C1orf74: variants seen among roughly 807,000 people sequenced by gnomAD.
C1orf74 encodes the protein chromosome 1 open reading frame 74, also known as UPF0739 protein C1orf74.
A neutral mutation model predicts 7.3 loss-of-function variants in C1orf74; 5 were observed. The observed-to-expected ratio is 0.68, with a 90% confidence interval of 0.36 to 1.44. The LOEUF is 1.44. C1orf74 is among the 40% of genes most tolerant of loss of function. The pLI is 0.04. For missense variants in C1orf74, 291 were observed against 314.3 expected (o/e 0.93, Z 0.56); for synonymous variants, 121 against 132.5 (o/e 0.91, Z 0.59).
rs2077759863 is a variant in C1orf74 at position 209,780,742 on chromosome 1, G to A, written c.*2083C>T. On this transcript the variant is annotated 3_prime_UTR_variant, in exon 2 of 2. Transcript: ENST00000294811. ...AGACATTCATTTGCCTACATAAAGT[G>A]TCTGTGCTTTTGGGCTGACTTGTCA... is the stretch of plus-strand genomic sequence containing the variant. 1 of 811,972 alleles carries A rather than the reference G, an allele frequency of 1.2e-6. No individual in the cohort carries two copies. Among genetic ancestry groups the A allele is most frequent in the African/African-American group, 1.8e-5 (1 of 56,134 alleles). 50.3% of individuals were successfully genotyped at this position (811,972 alleles called of 1,614,324 possible).
At position 209,782,008 on chromosome 1, in the gene C1orf74, T is replaced by C. The variant is rs994833789; in HGVS notation, c.*817A>G. On this transcript the variant is annotated 3_prime_UTR_variant, in exon 2 of 2. Coordinates refer to ENST00000294811, the MANE Select transcript of C1orf74 (RefSeq NM_152485.4). ...AAGAAAGATTTTTGCCTATATCTTT[T>C]CCAATCCACTCATGGCCACTTTCTT... The C allele has an allele frequency of 4.7e-6, 7 of 1,488,100 alleles. No homozygotes were observed. In the African/African-American group the frequency reaches 9.7e-5, roughly 21 times the overall value. 92.2% of individuals were successfully genotyped at this position (1,488,100 alleles called of 1,614,324 possible).
In C1orf74 at chr1:209,780,612, A is replaced by C; in HGVS notation, c.*2213T>G. The C allele has an allele frequency of 6.3e-7, 1 of 1,579,720 alleles. No homozygotes were observed. On this transcript the variant is annotated 3_prime_UTR_variant, in exon 2 of 2. Transcript: ENST00000294811. ...TCCAGGCCAAGGAAAAGGAGGTGAG[A>C]GGGTGACCTGAGATAGTGAGGGCTC...
In C1orf74 at chr1:209,781,481, T is replaced by C. The variant is rs76759084; in HGVS notation, c.*1344A>G. ...AGAGTAAGAGGGTCTCTCCTTCCCA[T>C]AAAGCCCTGGATGATGGGACGATTC... On this transcript the variant is annotated 3_prime_UTR_variant, in exon 2 of 2. Transcript: ENST00000294811. 7 of 1,558,946 alleles carry C rather than the reference T, an allele frequency of 4.5e-6. No individual in the cohort carries two copies. Among genetic ancestry groups the C allele is most frequent in the Non-Finnish European group, 6.2e-6 (7 of 1,130,544 alleles).
At position 209,782,647 on chromosome 1, in the gene C1orf74, C is replaced by T; in HGVS notation, c.*178G>A. On this transcript the variant is annotated 3_prime_UTR_variant, in exon 2 of 2. Transcript: ENST00000294811. ...CAAGTATGTACTATCTACCAATTTG[C>T]TACTAGCACCACCATTACCTATTTA... is the stretch of plus-strand genomic sequence containing the variant. 1 of 658,958 alleles carries T rather than the reference C, an allele frequency of 1.5e-6. No homozygotes were observed. The highest frequency in any genetic ancestry group is 2.6e-6 in the Non-Finnish European group (1 of 382,670). 40.8% of individuals were successfully genotyped at this position (658,958 alleles called of 1,614,324 possible).
rs555541836 is a variant in C1orf74 at position 209,783,792 on chromosome 1, C to T, written c.-75-83G>A. 2.8e-5 allele frequency: 18 copies of T among 634,386 alleles called. No homozygotes were observed. The African/African-American group carries it at 3.0e-4, about 10-fold the overall frequency. The allele number at this position is 634,386 out of a possible 1,614,324, so 39.3% of individuals were successfully genotyped here. A position where few individuals can be genotyped will look rare whatever the true frequency, so the allele number is the denominator to read the frequency against. ...CTTCCAAAGGTTATTCTGTCCCTCC[C>T]TGCTTTGAAATGGCGACCCAGCCCA... is the stretch of plus-strand genomic sequence containing the variant. On this transcript the variant is annotated intron_variant, in intron 1 of 1. Coordinates refer to ENST00000294811, the MANE Select transcript of C1orf74 (RefSeq NM_152485.4).
rs1050345546 is a variant in C1orf74, at chr1:209,779,531, C to A, written c.*3294G>T. The A allele has an allele frequency of 2.8e-6, 2 of 725,866 alleles. No homozygotes were observed. The highest frequency in any genetic ancestry group is 1.7e-5 in the African/African-American group (1 of 57,360). 45.0% of individuals were successfully genotyped at this position (725,866 alleles called of 1,614,324 possible). A position where few individuals can be genotyped will look rare whatever the true frequency, so the allele number is the denominator to read the frequency against. On this transcript the variant is annotated 3_prime_UTR_variant, in exon 2 of 2. Transcript: ENST00000294811. Reference sequence around the variant, plus strand: ...GAGCTTTTTAAGGACTGATCATTGGCTCTGAGGACACTTCAACTAGTTAGC... The same window carrying A: ...GAGCTTTTTAAGGACTGATCATTGGATCTGAGGACACTTCAACTAGTTAGC...
chr1:209,783,827 G>T, intron 1 of C1orf74, 118 bp from the exon 2 acceptor site: 1 of 518,074 alleles, frequency 1.9e-6, no homozygotes, highest in Non-Finnish European at 3.5e-6. Context: ...AGACAAGATA[G>T]TTTCACCGAT....
At chr1:209,783,794 G>A in intron 1 of C1orf74, 85 bp from the exon 2 acceptor site, 1 of 615,736 alleles carries the variant, frequency 1.6e-6, no homozygotes, top group East Asian at 2.9e-5. Context: ...GTCCCTCCCT[G>A]CTTTGAAATG....
At position 209,780,412 on chromosome 1, in the gene C1orf74, G is replaced by T. The variant is rs1011607399; in HGVS notation, c.*2413C>A. The T allele has an allele frequency of 7.0e-7, 1 of 1,432,482 alleles. No homozygotes were observed. Among genetic ancestry groups the T allele is most frequent in the Admixed American group, 2.4e-5 (1 of 41,972 alleles). 88.7% of individuals were successfully genotyped at this position (1,432,482 alleles called of 1,614,324 possible). ...CCCACTCCTAGTGGTTTCACCCTCAGGGCCCTTCCTCAGAGGTGTGGGCCT... is the reference window on the plus strand; with the variant it reads ...CCCACTCCTAGTGGTTTCACCCTCATGGCCCTTCCTCAGAGGTGTGGGCCT... On this transcript the variant is annotated 3_prime_UTR_variant, in exon 2 of 2. Transcript: ENST00000294811.
Position 209,783,401 on chromosome 1 carries a change from G to A in C1orf74, c.234C>T (p.Phe78=), listed in dbSNP as rs2102529484. The A allele has an allele frequency of 1.2e-6, 2 of 1,614,162 alleles. No individual in the cohort carries two copies. Among genetic ancestry groups the A allele is most frequent in the Non-Finnish European group, 1.7e-6 (2 of 1,180,022 alleles). Residue 78 remains phenylalanine (F), a synonymous_variant, in exon 2 of 2, where the codon TTC becomes TTT. Coordinates refer to ENST00000294811, the MANE Select transcript of C1orf74 (RefSeq NM_152485.4). ...CAAGGATGTGAAGTCCAAAAGTCAG[G>A]AAGCCAAGCCCCTTCAGCTCCTCCA... ...SYLEELKGLG[F]LTFGLHILEI...
chr1:209,781,036 G>T lies in C1orf74; in HGVS notation c.*1789C>A. ...CTTGTACTAAGGTCACTTCTAGGTC[G>T]TTTGTTCTATAAGAACTTCATTTTT... On this transcript the variant is annotated 3_prime_UTR_variant, in exon 2 of 2. Transcript: ENST00000294811. 4.4e-6 allele frequency: 1 copy of T among 224,796 alleles called. No individual in the cohort carries two copies. The highest frequency in any genetic ancestry group is 9.0e-6 in the Non-Finnish European group (1 of 111,562). The allele number at this position is 224,796 out of a possible 1,614,324, so 13.9% of individuals were successfully genotyped here. A position where few individuals can be genotyped will look rare whatever the true frequency, so the allele number is the denominator to read the frequency against.
chr1:209,781,241 G>A lies in C1orf74; in HGVS notation c.*1584C>T. On this transcript the variant is annotated 3_prime_UTR_variant, in exon 2 of 2. Coordinates refer to ENST00000294811, the MANE Select transcript of C1orf74 (RefSeq NM_152485.4). ...AGAATGGCTGGGAAGGGAAGATGGTGGTAAAAATTCCAAATGAGTGAAACT... is the reference window on the plus strand; with the variant it reads ...AGAATGGCTGGGAAGGGAAGATGGTAGTAAAAATTCCAAATGAGTGAAACT... The A allele has an allele frequency of 1.5e-6, 1 of 688,688 alleles. No individual in the cohort carries two copies. The highest frequency in any genetic ancestry group is 2.6e-6 in the Non-Finnish European group (1 of 386,464). The allele number at this position is 688,688 out of a possible 1,614,324, so 42.7% of individuals were successfully genotyped here.
In C1orf74 at chr1:209,782,046, C is replaced by A. The variant is rs780432245; in HGVS notation, c.*779G>T. On this transcript the variant is annotated 3_prime_UTR_variant, in exon 2 of 2. Coordinates refer to ENST00000294811, the MANE Select transcript of C1orf74 (RefSeq NM_152485.4). ...TGGCCACTTTCTTCTGTCTCCCTGT[C>A]CCCCTACAGAGGCAATGTGGGCGAT... 1.9e-5 allele frequency: 31 copies of A among 1,610,588 alleles called. No homozygotes were observed. The highest frequency in any genetic ancestry group is 1.6e-4 in the Middle Eastern group (1 of 6,082).
In C1orf74 at chr1:209,782,481, T is replaced by C. The variant is rs2077801499; in HGVS notation, c.*344A>G. On this transcript the variant is annotated 3_prime_UTR_variant, in exon 2 of 2. Transcript: ENST00000294811. ...GCATGCAGCACCCACATAGAGCAGG[T>C]ATATTTACAAGGTTACCATGCAAGA... The C allele has an allele frequency of 2.1e-6, 1 of 465,582 alleles. No individual in the cohort carries two copies. Among genetic ancestry groups the C allele is most frequent in the Non-Finnish European group, 3.9e-6 (1 of 257,148 alleles). 28.8% of individuals were successfully genotyped at this position (465,582 alleles called of 1,614,324 possible).
Position 209,780,550 on chromosome 1 carries a change from G to GA in C1orf74, c.*2274dup. The GA allele has an allele frequency of 6.2e-7, 1 of 1,601,582 alleles. No homozygotes were observed. Among genetic ancestry groups the GA allele is most frequent in the South Asian group, 1.1e-5 (1 of 89,444 alleles). ...GGGTACAGGGAAGGAGAAAGACTGG[G>GA]ATCTCAGAGACCAGCTGCAAAAGAA... On this transcript the variant is annotated 3_prime_UTR_variant, in exon 2 of 2. Coordinates refer to ENST00000294811, the MANE Select transcript of C1orf74 (RefSeq NM_152485.4).
Position 209,781,369 on chromosome 1 carries a change from G to A in C1orf74, c.*1456C>T. 1.2e-6 allele frequency: 2 copies of A among 1,613,202 alleles called. No individual in the cohort carries two copies. Among genetic ancestry groups the A allele is most frequent in the Non-Finnish European group, 1.7e-6 (2 of 1,179,404 alleles). ...GTGCAGAGAACTGCATTCAGAATTA[G>A]ACAACCTCAGTGACGAGTATCTCTC... On this transcript the variant is annotated 3_prime_UTR_variant, in exon 2 of 2. Transcript: ENST00000294811.
In C1orf74 at chr1:209,782,213, G is replaced by T. The variant is rs763981196; in HGVS notation, c.*612C>A. The stretch of plus-strand genomic sequence containing the variant: ...AGCAACTCAGCGAAAAACTCAGAAG[G>T]TTTGGGTACATTACAGCTTGGGTTT... On this transcript the variant is annotated 3_prime_UTR_variant, in exon 2 of 2. Coordinates refer to ENST00000294811, the MANE Select transcript of C1orf74 (RefSeq NM_152485.4). 2.0e-5 allele frequency: 27 copies of T among 1,334,510 alleles called. No individual in the cohort carries two copies. The highest frequency in any genetic ancestry group is 2.9e-5 in the Non-Finnish European group (27 of 925,684). The allele number at this position is 1,334,510 out of a possible 1,614,324, so 82.7% of individuals were successfully genotyped here. A position where few individuals can be genotyped will look rare whatever the true frequency, so the allele number is the denominator to read the frequency against.
chr1:209,779,647 T>G lies in C1orf74; in HGVS notation c.*3178A>C. On this transcript the variant is annotated 3_prime_UTR_variant, in exon 2 of 2. Transcript: ENST00000294811. Reference sequence around the variant, plus strand: ...GTTGAACATTTCAATAAATTTATTTTGAACTCAGGATTTCATGTCAATTTT... The same window carrying G: ...GTTGAACATTTCAATAAATTTATTTGGAACTCAGGATTTCATGTCAATTTT... The G allele has an allele frequency of 1.7e-6, 1 of 604,320 alleles. No homozygotes were observed. Among genetic ancestry groups the G allele is most frequent in the Non-Finnish European group, 2.9e-6 (1 of 340,064 alleles). The allele number at this position is 604,320 out of a possible 1,614,324, so 37.4% of individuals were successfully genotyped here.
chr1:209,783,191 C>G lies in C1orf74; in HGVS notation c.444G>C (p.Gly148=). The change falls in exon 2 of 2, where the codon GGG becomes GGC. Residue 148 remains glycine (G), a synonymous_variant. Transcript: ENST00000294811. ...CTGCTAGAGATAAGTCCCTCTGCAG[C>G]CCCTGCAAATGTGTGATGATCTCAG... ...LVAEIITHLQ[G]LQRDLSLAVS... 6.2e-7 allele frequency: 1 copy of G among 1,614,126 alleles called. No homozygotes were observed. The highest frequency in any genetic ancestry group is 8.5e-7 in the Non-Finnish European group (1 of 1,180,034).
Sources: gnomAD v4.1 joint callset for allele counts on GRCh38, gnomAD v4.1.1 for gene constraint, MANE v1.5 for transcripts, NCBI Gene and HGNC (gene_info 2026-07-23, HGNC 2026-07-21) for gene names.